The following ADAM12 variants were observed in gnomAD, a reference collection of about 807,000 sequenced individuals.
ADAM12 encodes disintegrin and metalloproteinase domain-containing protein 12.
Under a neutral mutation model 106.4 loss-of-function variants are expected in ADAM12, and 70 were observed. That is an observed-to-expected ratio of 0.66 (90% CI 0.54 to 0.80). The LOEUF (loss-of-function observed/expected upper bound fraction) is 0.80, where lower values mean the gene tolerates loss of function less well. Among genes scored for constraint, ADAM12 ranks in the 30% least tolerant of loss-of-function variants. The probability of loss-of-function intolerance (pLI) is 0.00; values close to 1 mark genes in which losing one functional copy is unlikely to be tolerated. For missense variants in ADAM12, 1,010 were observed against 1,171.9 expected (o/e 0.86, Z 2.02); for synonymous variants, 420 against 433.5 (o/e 0.97, Z 0.39).
At chr10:126,175,218 G>A (rs892589679) in intron 3 of ADAM12, among the ~76,000 whole-genome samples, 21 of 152,330 alleles carry the variant, frequency 1.4e-4, no homozygotes, top group Middle Eastern at 3.4e-3. Context: ...TTACAAATAA[G>A]CGAAGAACGC....
chr10:126,240,157 C>G (rs1011363060), intron 3 of ADAM12, among the ~76,000 whole-genome samples: 1 of 152,260 alleles, frequency 6.6e-6, no homozygotes, highest in Non-Finnish European at 1.5e-5. Flanking sequence ...GGGCAGAGAC[C>G]TGGCTGAGCA....
At chr10:126,269,633 G>A (rs570004929) in intron 3 of ADAM12, among the ~76,000 whole-genome samples, 49 of 152,284 alleles carry the variant, frequency 3.2e-4, no homozygotes, top group African/African-American at 1.1e-3. Context: ...CTCCTGGGAA[G>A]AGCCAGGACA....
At chr10:126,281,544 T>C (rs1314355374) in intron 2 of ADAM12, among the ~76,000 whole-genome samples, 1 of 152,216 alleles carries the variant, frequency 6.6e-6, no homozygotes, top group Non-Finnish European at 1.5e-5. Context: ...GGAAGATCTT[T>C]ATGTACATTA....
At chr10:126,125,907 A>G (rs1432967111) in intron 5 of ADAM12, among the ~76,000 whole-genome samples, 2 of 151,642 alleles carry the variant, frequency 1.3e-5, no homozygotes, top group Non-Finnish European at 2.9e-5. Context: ...AGTGACATCT[A>G]CAAGTCAAGG....
intron 18 of ADAM12, chr10:126,041,575 T>G (rs4732): frequency 2.3e-5 from 23 of 985,752 alleles, no homozygotes; most frequent in South Asian, 4.7e-5. Flanking sequence ...GTTTGTTTCA[T>G]TGCCATTCAG....
intron 7 of ADAM12, 34 bp from the exon 8 acceptor site, chr10:126,108,698 C>G (rs1376044129): frequency 6.4e-7 from 1 of 1,554,228 alleles, no homozygotes; most frequent in African/African-American, 1.4e-5. Context: ...TTAATACCAG[C>G]AAGAATATCA....
chr10:126,139,430 T>C (rs992595478), intron 4 of ADAM12, among the ~76,000 whole-genome samples: 1 of 152,228 alleles, frequency 6.6e-6, no homozygotes, highest in Non-Finnish European at 1.5e-5. Flanking sequence ...GGTCTTATAT[T>C]GGGCACTTTT....
chr10:126,098,534 A>G, intron 9 of ADAM12, 34 bp from the exon 10 acceptor site: 2 of 1,550,488 alleles, frequency 1.3e-6, no homozygotes, highest in South Asian at 1.1e-5. Flanking sequence ...TCTTTAATCA[A>G]ATTAGAACGG....
intron 3 of ADAM12, among the ~76,000 whole-genome samples, chr10:126,277,553 AC>A (rs1157659632): frequency 1.3e-5 from 2 of 152,212 alleles, no homozygotes; most frequent in Non-Finnish European, 2.9e-5. Flanking sequence ...CTAAAAATGT[AC>A]AAAAATGTGT....
At chr10:126,057,731 G>A (rs1954662957) in intron 14 of ADAM12, among the ~76,000 whole-genome samples, 1 of 152,162 alleles carries the variant, frequency 6.6e-6, no homozygotes. Flanking sequence ...ACCCCTCCAG[G>A]GTGAAATCTA....
intron 9 of ADAM12, among the ~76,000 whole-genome samples, chr10:126,099,315 G>A (rs1363259646): frequency 6.6e-6 from 1 of 152,106 alleles, no homozygotes; most frequent in African/African-American, 2.4e-5. Flanking sequence ...TTTAGCTATG[G>A]TCAATTGAAC....
intron 1 of ADAM12, among the ~76,000 whole-genome samples, chr10:126,379,033 A>G (rs575189716): frequency 6.6e-6 from 1 of 152,316 alleles, no homozygotes; most frequent in African/African-American, 2.4e-5. Context: ...ACTACCAACA[A>G]CAACAAAAAA....
chr10:126,257,952 A>G (rs953771851), intron 3 of ADAM12, among the ~76,000 whole-genome samples: 2 of 152,080 alleles, frequency 1.3e-5, no homozygotes, highest in African/African-American at 4.8e-5. Context: ...ATAGGTGCCT[A>G]CTCTATTTGG....
intron 12 of ADAM12, among the ~76,000 whole-genome samples, chr10:126,067,616 G>C (rs902403800): frequency 6.6e-6 from 1 of 152,206 alleles, no homozygotes; most frequent in African/African-American, 2.4e-5. Context: ...CTCAACAAAA[G>C]GCCTGCACGC....
At chr10:126,022,383 G>A (rs1326834695) in intron 21 of ADAM12, among the ~76,000 whole-genome samples, 1 of 152,196 alleles carries the variant, frequency 6.6e-6, no homozygotes, top group African/African-American at 2.4e-5. Context: ...GCCAGGACAT[G>A]GTTTGGATGG....
chr10:126,229,965 GT>G (rs1168386780), intron 3 of ADAM12, among the ~76,000 whole-genome samples: 1 of 152,184 alleles, frequency 6.6e-6, no homozygotes, highest in Non-Finnish European at 1.5e-5. Context: ...CTCCAGCAGT[GT>G]TTGGCCCTTA....
At chr10:126,124,238 G>A (rs1294668397) in intron 5 of ADAM12, among the ~76,000 whole-genome samples, 1 of 151,642 alleles carries the variant, frequency 6.6e-6, no homozygotes, top group African/African-American at 2.4e-5. Context: ...TGGTCTCAGT[G>A]TGGTGCTGTC....
Position 126,277,219 on chromosome 10 carries a change from A to G in ADAM12, c.260+1696T>C, listed in dbSNP as rs1016731129. On this transcript the variant is annotated intron_variant, in intron 3 of 22. Transcript: ENST00000448723. ...AGGGTTATTTGTTCCCTTCCCCCCT[A>G]TAATGTTCAGTTTTCTTCACTGGGT... Among the ~76,000 whole-genome samples, 198 of 152,282 alleles carry G rather than the reference A, an allele frequency of 1.3e-3. 2 individuals are homozygous for G. The highest frequency in any genetic ancestry group is 7.4e-5 in the Non-Finnish European group (5 of 68,012).
intron 3 of ADAM12, among the ~76,000 whole-genome samples, chr10:126,250,874 G>C (rs2133681402): frequency 6.6e-6 from 1 of 152,228 alleles, no homozygotes; most frequent in Non-Finnish European, 1.5e-5. Flanking sequence ...TGCATCATTA[G>C]CTTTTTATTT....
Sources: allele counts gnomAD v4.1 joint callset (sites outside exome capture counted in the v4.1 genomes callset), GRCh38; gene constraint gnomAD v4.1.1; transcripts MANE v1.5; gene names NCBI Gene and HGNC (gene_info 2026-07-23, HGNC 2026-07-21).